Variants in LDB2 observed in about 807,000 individuals in gnomAD.
The protein encoded by LDB2 is LIM domain-binding protein 2.
Under a neutral mutation model 44.3 loss-of-function variants are expected in LDB2, and 12 were observed. That is an observed-to-expected ratio of 0.27 (90% CI 0.17 to 0.44). The LOEUF (loss-of-function observed/expected upper bound fraction) is 0.44, where lower values mean the gene tolerates loss of function less well. LDB2 is among the 20% of genes least tolerant of loss of function. The probability of loss-of-function intolerance (pLI) is 1.00; values close to 1 mark genes in which losing one functional copy is unlikely to be tolerated. For synonymous variants in LDB2, 164 were observed against 174.8 expected, an observed-to-expected ratio of 0.94 and a Z score of 0.49; for missense variants, 344 against 473.5, an observed-to-expected ratio of 0.73 and a Z score of 2.54.
rs1786585055 is a variant in LDB2, at chr4:16,844,593, A to G, written c.132+53761T>C. On this transcript the variant is annotated intron_variant, in intron 1 of 7. Transcript: ENST00000304523. ...TAACTGGGATACATCCTTAAAGCAC[A>G]AAGTGTTTTAATGTTAAGAAATCAA... 2.6e-5 allele frequency among the ~76,000 whole-genome samples: 4 copies of G among 152,286 alleles called. No individual in the cohort carries two copies. The South Asian group carries it at 8.3e-4, about 32-fold the overall frequency.
chr4:16,518,997 A>G (rs1196935934), intron 5 of LDB2, among the ~76,000 whole-genome samples: 3 of 152,206 alleles, frequency 2.0e-5, no homozygotes, highest in African/African-American at 7.2e-5. Context: ...CCTATCCTGC[A>G]AGGGACTCTT....
At chr4:16,629,459 G>A (rs1419528359) in intron 2 of LDB2, among the ~76,000 whole-genome samples, 1 of 152,084 alleles carries the variant, frequency 6.6e-6, no homozygotes, top group Non-Finnish European at 1.5e-5. Context: ...TTGCTGTTCT[G>A]CACCCTCTGC....
intron 5 of LDB2, among the ~76,000 whole-genome samples, chr4:16,565,810 A>G (rs1455235651): frequency 6.6e-6 from 1 of 152,078 alleles, no homozygotes; most frequent in Non-Finnish European, 1.5e-5. Context: ...ATTAACATAT[A>G]GAAGTCAATA....
chr4:16,739,732 G>A (rs55777027), intron 2 of LDB2, among the ~76,000 whole-genome samples: 2,873 of 41,092 alleles, frequency 0.07, 537 homozygotes, highest in African/African-American at 0.16. Flanking sequence ...ACATATATGT[G>A]TATATACATA....
At chr4:16,658,554 T>C (rs1172161737) in intron 2 of LDB2, among the ~76,000 whole-genome samples, 1 of 151,798 alleles carries the variant, frequency 6.6e-6, no homozygotes, top group African/African-American at 2.4e-5. Context: ...ATTTTTTTTT[T>C]CCTAAAGCCT....
chr4:16,761,062 GT>G (rs1488718781), intron 1 of LDB2, among the ~76,000 whole-genome samples: 2 of 150,544 alleles, frequency 1.3e-5, no homozygotes, highest in Non-Finnish European at 3.0e-5. Flanking sequence ...CAGGGGCTTT[GT>G]TTTGCTTGCT....
chr4:16,716,282 T>C (rs947388508), intron 2 of LDB2, among the ~76,000 whole-genome samples: 3 of 151,938 alleles, frequency 2.0e-5, no homozygotes, highest in Non-Finnish European at 4.4e-5. Context: ...AACCCAGGAG[T>C]GGGAGCTTCA....
intron 2 of LDB2, among the ~76,000 whole-genome samples, chr4:16,711,373 A>G (rs1755836527): frequency 1.3e-5 from 2 of 152,368 alleles, no homozygotes; most frequent in South Asian, 4.1e-4. Flanking sequence ...CAAAGAAGGT[A>G]AAGCATGTGC....
intron 2 of LDB2, among the ~76,000 whole-genome samples, chr4:16,651,566 G>A (rs1738274183): frequency 6.9e-6 from 1 of 144,214 alleles, no homozygotes; most frequent in African/African-American, 2.5e-5. Context: ...GATTTTCTTG[G>A]ACCCTGGGGT....
chr4:16,719,276 A>G (rs949800202), intron 2 of LDB2, among the ~76,000 whole-genome samples: 1 of 152,154 alleles, frequency 6.6e-6, no homozygotes, highest in Non-Finnish European at 1.5e-5. Context: ...AATTTAGCAG[A>G]AAACATAACC....
At position 16,627,933 on chromosome 4, in the gene LDB2, C is replaced by A. The variant is rs115791536; in HGVS notation, c.236-32058G>T. Among the ~76,000 whole-genome samples, 886 of 152,248 alleles carry A rather than the reference C, an allele frequency of 5.8e-3. 8 individuals are homozygous for A. Among genetic ancestry groups the A allele is most frequent in the African/African-American group, 0.021 (861 of 41,550 alleles). ...GCCACTGCTAACACAGAGGGCCAAG[C>A]TGCTGGAGTCAAATCAACGTGCACA... On this transcript the variant is annotated intron_variant, in intron 2 of 7. Transcript: ENST00000304523.
chr4:16,831,616 G>T (rs1184674429), intron 1 of LDB2, among the ~76,000 whole-genome samples: 1 of 152,154 alleles, frequency 6.6e-6, no homozygotes, highest in African/African-American at 2.4e-5. Flanking sequence ...GACAACTGAG[G>T]CATCCAAGTA....
chr4:16,541,187 G>T (rs1432679841), intron 5 of LDB2, among the ~76,000 whole-genome samples: 2 of 152,150 alleles, frequency 1.3e-5, no homozygotes, highest in Non-Finnish European at 2.9e-5. Context: ...TGGAGGTGGG[G>T]TGTGGTGGGA....
intron 2 of LDB2, among the ~76,000 whole-genome samples, chr4:16,742,318 C>A (rs1481859997): frequency 6.6e-6 from 1 of 152,156 alleles, no homozygotes; most frequent in African/African-American, 2.4e-5. Flanking sequence ...GATCCGCCCA[C>A]CTTGGCCTCC....
At chr4:16,746,612 C>A (rs1386561879) in intron 2 of LDB2, among the ~76,000 whole-genome samples, 1 of 152,084 alleles carries the variant, frequency 6.6e-6, no homozygotes, top group African/African-American at 2.4e-5. Flanking sequence ...CATGGTGAAA[C>A]CCCGTCTCTA....
At chr4:16,734,868 C>T (rs1314161323) in intron 2 of LDB2, among the ~76,000 whole-genome samples, 1 of 152,002 alleles carries the variant, frequency 6.6e-6, no homozygotes, top group African/African-American at 2.4e-5. Flanking sequence ...ACCACCATGC[C>T]TGGCTAATTT....
chr4:16,514,489 A>G (rs958590237), intron 5 of LDB2, among the ~76,000 whole-genome samples: 4 of 152,094 alleles, frequency 2.6e-5, no homozygotes, highest in African/African-American at 7.2e-5. Context: ...ACTTCCACCA[A>G]CTGTCTCATG....
At chr4:16,692,136 TAGAG>T (rs1046820135) in intron 2 of LDB2, among the ~76,000 whole-genome samples, 1 of 152,282 alleles carries the variant, frequency 6.6e-6, no homozygotes, top group African/African-American at 2.4e-5. Flanking sequence ...AAAGTGTTCT[TAGAG>T]GGACAAATTC....
At chr4:16,792,315 T>G (rs1775933264) in intron 1 of LDB2, among the ~76,000 whole-genome samples, 1 of 152,226 alleles carries the variant, frequency 6.6e-6, no homozygotes, top group South Asian at 2.1e-4. Context: ...CAGACTGTGT[T>G]TAAAGTGTTT....
Sources: gnomAD v4.1 joint callset for allele counts (sites outside exome capture counted in the v4.1 genomes callset) on GRCh38, gnomAD v4.1.1 for gene constraint, MANE v1.5 for transcripts, NCBI Gene and HGNC (gene_info 2026-07-23, HGNC 2026-07-21) for gene names.